Variants in GABRR3 observed in about 807,000 individuals in gnomAD.
The protein encoded by GABRR3 is gamma-aminobutyric acid type A receptor subunit rho3.
Under a neutral mutation model 43.2 loss-of-function variants are expected in GABRR3, and 29 were observed. The observed-to-expected ratio is 0.67, with a 90% CI of 0.50 to 0.92. GABRR3 has a LOEUF of 0.92. Among genes scored for constraint, GABRR3 ranks in the 40% least tolerant of loss-of-function variants. GABRR3 has a pLI of 0.00. For synonymous variants in GABRR3, 206 were observed against 195.9 expected, an observed-to-expected ratio of 1.05 and a Z score of -0.43; for missense variants, 576 against 572.3, an observed-to-expected ratio of 1.01 and a Z score of -0.07.
chr3:98,009,099 T>C (rs1054316852), intron 5 of GABRR3, 61 bp from the exon 6 acceptor site: 7 of 1,060,232 alleles, frequency 6.6e-6, no homozygotes, highest in African/African-American at 1.6e-5. Context: ...CAAATGAGCA[T>C]GCAACATTGA....
intron 8 of GABRR3, chr3:98,001,256 G>A (rs1043609359): frequency 4.9e-6 from 1 of 203,758 alleles, no homozygotes; most frequent in Non-Finnish European, 1.0e-5. Flanking sequence ...GTAAGGGTTT[G>A]TCCTGAAAAG....
chr3:98,001,409 T>A, intron 8 of GABRR3: 1 of 566,076 alleles, frequency 1.8e-6, no homozygotes, highest in Non-Finnish European at 3.2e-6. Flanking sequence ...AAAGACTTCA[T>A]CCCTAAAATC....
intron 7 of GABRR3, among the ~76,000 whole-genome samples, chr3:98,002,115 A>G (rs747903606): frequency 2.0e-5 from 3 of 152,152 alleles, no homozygotes; most frequent in Admixed American, 1.3e-4. Context: ...TAATAATGGC[A>G]TAAAAGAACC....
chr3:98,018,936 C>T (rs1293872948), intron 3 of GABRR3, among the ~76,000 whole-genome samples: 1 of 151,656 alleles, frequency 6.6e-6, no homozygotes, highest in Non-Finnish European at 1.5e-5. Context: ...ATGGTGAAAC[C>T]CCGTCTCTAC....
intron 2 of GABRR3, among the ~76,000 whole-genome samples, chr3:98,028,771 T>C (rs76225013): frequency 0.013 from 1,919 of 152,300 alleles, 30 homozygotes; most frequent in African/African-American, 0.042. Flanking sequence ...GCCCCTCAGA[T>C]ACCTTGCATC....
chr3:97,993,452 C>A (rs954687551), intron 8 of GABRR3, among the ~76,000 whole-genome samples: 1 of 152,148 alleles, frequency 6.6e-6, no homozygotes, highest in Non-Finnish European at 1.5e-5. Context: ...CTGTTTATAA[C>A]CTGTCTTTAT....
intron 8 of GABRR3, among the ~76,000 whole-genome samples, chr3:97,994,547 T>C (rs1202169782): frequency 6.6e-6 from 1 of 152,214 alleles, no homozygotes; most frequent in Non-Finnish European, 1.5e-5. Context: ...CTGTCTGTAT[T>C]CCCTGGCTCT....
At chr3:98,009,394 T>C (rs755472826) in intron 5 of GABRR3, among the ~76,000 whole-genome samples, 11 of 152,204 alleles carry the variant, frequency 7.2e-5, no homozygotes, top group Non-Finnish European at 1.6e-4. Context: ...TTCTGGAAGA[T>C]CCACACATAA....
At chr3:98,020,856 TTC>T (rs1433846198) in intron 3 of GABRR3, among the ~76,000 whole-genome samples, 5 of 136,272 alleles carry the variant, frequency 3.7e-5, no homozygotes, top group Non-Finnish European at 6.1e-5. Context: ...TCATTTCTTT[TTC>T]TTTTTCTTTT....
intron 8 of GABRR3, chr3:97,998,454 T>C (rs1439738297): frequency 6.6e-6 from 1 of 152,126 alleles, no homozygotes; most frequent in Non-Finnish European, 1.5e-5. Flanking sequence ...GACCAATGGA[T>C]TGTAATCAAA....
chr3:97,995,580 A>G (rs1706540716), intron 8 of GABRR3, among the ~76,000 whole-genome samples: 2 of 151,298 alleles, frequency 1.3e-5, no homozygotes, highest in Non-Finnish European at 1.5e-5. Flanking sequence ...AGCATTCTAA[A>G]TTTTCCTTCT....
At chr3:97,996,281 T>C (rs963390831) in intron 8 of GABRR3, among the ~76,000 whole-genome samples, 1 of 152,312 alleles carries the variant, frequency 6.6e-6, no homozygotes, top group African/African-American at 2.4e-5. Flanking sequence ...AAATATTACA[T>C]GATATGAAGG....
At chr3:97,987,584 A>G (rs916883105) in intron 9 of GABRR3, among the ~76,000 whole-genome samples, 1 of 152,202 alleles carries the variant, frequency 6.6e-6, no homozygotes, top group Non-Finnish European at 1.5e-5. Context: ...GAAATTATTC[A>G]GAATTCAAAT....
intron 4 of GABRR3, 22 bp from the exon 5 acceptor site, chr3:98,012,589 C>CA: frequency 3.3e-6 from 5 of 1,526,038 alleles, no homozygotes; most frequent in Admixed American, 3.8e-5. Context: ...GAAAAAGAGA[C>CA]CAAAAAAACC....
At chr3:98,009,478 G>T (rs1706761441) in intron 5 of GABRR3, among the ~76,000 whole-genome samples, 1 of 152,216 alleles carries the variant, frequency 6.6e-6, no homozygotes. Context: ...CACAAAGCAA[G>T]TTTACCCGAG....
chr3:97,985,651 T>C (rs1339522527), downstream of GABRR3, among the ~76,000 whole-genome samples: 1 of 152,150 alleles, frequency 6.6e-6, no homozygotes, highest in Non-Finnish European at 1.5e-5. Flanking sequence ...CACACGTAGG[T>C]GGTCAATAAA....
At position 97,987,830 on chromosome 3, in the gene GABRR3, GCAGTGGTGTGATTATAGCT is replaced by G. The variant is rs551403003; in HGVS notation, c.1105-867_1105-849del. On this transcript the variant is annotated intron_variant, in intron 9 of 9. Coordinates refer to ENST00000621172, the Ensembl canonical transcript of GABRR3. Reference sequence around the variant, plus strand: ...CTCACTCTATCATCTAGGCTGGAGGGCAGTGGTGTGATTATAGCTCACTGCAGCCTTGACCTCCTGGGCT... The same window carrying G: ...CTCACTCTATCATCTAGGCTGGAGGGCACTGCAGCCTTGACCTCCTGGGCT... Among the ~76,000 whole-genome samples the G allele has an allele frequency of 4.7e-3, 719 of 152,016 alleles. 5 individuals are homozygous for G. Among genetic ancestry groups the G allele is most frequent in the African/African-American group, 0.016 (677 of 41,440 alleles).
intron 7 of GABRR3, among the ~76,000 whole-genome samples, chr3:98,003,302 A>T (rs975012316): frequency 2.6e-5 from 4 of 152,260 alleles, no homozygotes; most frequent in African/African-American, 9.6e-5. Context: ...CTGTGAAAGA[A>T]ATTCAAAAGA....
At chr3:97,998,742 G>T (rs1706592938) in intron 8 of GABRR3, 2 of 152,010 alleles carry the variant, frequency 1.3e-5, no homozygotes, top group African/African-American at 2.4e-5. Flanking sequence ...CCTCTATAAA[G>T]GTAGACATTA....
Sources: allele counts gnomAD v4.1 joint callset (sites outside exome capture counted in the v4.1 genomes callset), GRCh38; gene constraint gnomAD v4.1.1; transcripts MANE v1.5; gene names NCBI Gene and HGNC (gene_info 2026-07-23, HGNC 2026-07-21).